MALRD1: variants seen among roughly 807,000 people sequenced by gnomAD.
MALRD1 encodes MAM and LDL receptor class A domain containing 1, also known as MAM and LDL-receptor class A domain-containing protein 1.
In MALRD1, 247 loss-of-function variants were observed where a neutral mutation model predicts 242.1. That is an observed-to-expected ratio of 1.02 (90% CI 0.92 to 1.13). The LOEUF (loss-of-function observed/expected upper bound fraction) is 1.13. MALRD1 is among the 50% of genes most tolerant of loss of function. MALRD1 has a pLI of 0.00. For missense variants in MALRD1, 2,989 were observed against 2,533.1 expected (o/e 1.18, Z -3.86); for synonymous variants, 995 against 866.6 (o/e 1.15, Z -2.60).
At chr10:19,248,253 G>A (rs1252383733) in intron 18 of MALRD1, among the ~76,000 whole-genome samples, 2 of 151,890 alleles carry the variant, frequency 1.3e-5, no homozygotes, top group East Asian at 3.9e-4. Flanking sequence ...TTCAAAAGCA[G>A]GTATTATTTT....
intron 32 of MALRD1, among the ~76,000 whole-genome samples, chr10:19,544,099 C>A (rs1835101003): frequency 6.6e-6 from 1 of 151,470 alleles, no homozygotes; most frequent in Non-Finnish European, 1.5e-5. Context: ...GTTACAGTTT[C>A]ATTGTCATAT....
intron 36 of MALRD1, among the ~76,000 whole-genome samples, chr10:19,682,581 C>T (rs183609902): frequency 5.3e-5 from 8 of 152,188 alleles, no homozygotes; most frequent in Admixed American, 3.3e-4. Flanking sequence ...TGAAAGATGC[C>T]AGAGCTAATT....
Position 19,642,816 on chromosome 10 carries a change from G to A in MALRD1, c.6137+26893G>A, listed in dbSNP as rs188318061. ...TATTGCATCTATGTATTACTAATAG[G>A]GGGTATAAATTTGTTAGGGAAGAGG... On this transcript the variant is annotated intron_variant, in intron 36 of 39. Coordinates refer to ENST00000454679, the MANE Select transcript of MALRD1 (RefSeq NM_001142308.3). Among the ~76,000 whole-genome samples, 17 of 152,162 alleles carry A rather than the reference G, an allele frequency of 1.1e-4. No homozygotes were observed. In the East Asian group the frequency reaches 2.9e-3, roughly 26 times the overall value.
Position 19,323,933 on chromosome 10 carries a change from T to A in MALRD1, c.3420-16T>A, listed in dbSNP as rs1325260949. ...GCCTCTTATTCCTTTTATAATATGA[T>A]AAATTCCTTTTCCAGAAATACCACT... is the stretch of plus-strand genomic sequence containing the variant. On this transcript the variant is annotated splice_polypyrimidine_tract_variant and intron_variant, in intron 21 of 39. Coordinates refer to ENST00000454679, the MANE Select transcript of MALRD1 (RefSeq NM_001142308.3). 25 of 1,550,128 alleles carry A rather than the reference T, an allele frequency of 1.6e-5. No individual in the cohort carries two copies. Among genetic ancestry groups the A allele is most frequent in the Non-Finnish European group, 2.2e-5 (25 of 1,146,468 alleles).
chr10:19,175,145 T>C (rs1353237540), intron 13 of MALRD1, 63 bp from the exon 14 acceptor site: 2 of 1,152,570 alleles, frequency 1.7e-6, no homozygotes, highest in African/African-American at 1.6e-5. Context: ...CACAAAGAAA[T>C]ATGATTGTAA....
At chr10:19,420,263 G>A (rs1284448143) in intron 28 of MALRD1, among the ~76,000 whole-genome samples, 1 of 152,088 alleles carries the variant, frequency 6.6e-6, no homozygotes, top group Admixed American at 6.6e-5. Flanking sequence ...TTATGACAGA[G>A]CAGGTAATCG....
intron 19 of MALRD1, among the ~76,000 whole-genome samples, chr10:19,259,167 C>A (rs1222463952): frequency 1.3e-5 from 2 of 152,128 alleles, no homozygotes; most frequent in Non-Finnish European, 1.5e-5. Context: ...GACTTTCTAT[C>A]TCATTCAGAG....
chr10:19,103,688 G>A (rs1012721174), intron 4 of MALRD1, among the ~76,000 whole-genome samples: 3 of 152,178 alleles, frequency 2.0e-5, no homozygotes, highest in African/African-American at 7.2e-5. Flanking sequence ...GAACACATAG[G>A]AACTGAAAAT....
Position 19,094,156 on chromosome 10 carries a change from C to T in MALRD1, c.597+5971C>T, listed in dbSNP as rs902486180. Among the ~76,000 whole-genome samples, 848 of 107,824 alleles carry T rather than the reference C, an allele frequency of 7.9e-3. 71 individuals are homozygous for T. The highest frequency in any genetic ancestry group is 0.031 in the African/African-American group (816 of 26,090). 70.7% of individuals were successfully genotyped at this position (107,824 alleles called of 152,430 possible). ...TTCCCGGCTGCTTTGTTTACCTAAG[C>T]AAGCCTGGGCAATGGCGGGCGCCCC... is the stretch of plus-strand genomic sequence containing the variant. On this transcript the variant is annotated intron_variant, in intron 4 of 39. Coordinates refer to ENST00000454679, the MANE Select transcript of MALRD1 (RefSeq NM_001142308.3).
chr10:19,185,753 A>G (rs565653545), intron 14 of MALRD1, among the ~76,000 whole-genome samples: 1 of 151,994 alleles, frequency 6.6e-6, no homozygotes, highest in South Asian at 2.1e-4. Context: ...TTATTACATA[A>G]ATGCATTAAG....
intron 31 of MALRD1, among the ~76,000 whole-genome samples, chr10:19,501,218 A>G (rs1304800692): frequency 6.6e-6 from 1 of 152,198 alleles, no homozygotes; most frequent in African/African-American, 2.4e-5. Flanking sequence ...AGGTGTCTCA[A>G]CCTGGTTGCT....
intron 39 of MALRD1, 35 bp downstream of exon 39, chr10:19,730,816 A>G: frequency 2.0e-6 from 3 of 1,501,088 alleles, no homozygotes; most frequent in Non-Finnish European, 2.7e-6. Flanking sequence ...CTTTTCACAC[A>G]TATGCACACA....
At chr10:19,237,179 A>C (rs373806371) in intron 18 of MALRD1, among the ~76,000 whole-genome samples, 1 of 151,806 alleles carries the variant, frequency 6.6e-6, no homozygotes, top group East Asian at 1.9e-4. Context: ...TGTAATATAC[A>C]ATACTTTACT....
At chr10:19,146,395 T>C in intron 11 of MALRD1, 51 bp downstream of exon 11, 2 of 1,194,400 alleles carry the variant, frequency 1.7e-6, no homozygotes. Flanking sequence ...TTGCATGTTG[T>C]GGAATGATGA....
intron 29 of MALRD1, among the ~76,000 whole-genome samples, chr10:19,473,612 A>G (rs1018887666): frequency 6.6e-6 from 1 of 152,050 alleles, no homozygotes; most frequent in African/African-American, 2.4e-5. Context: ...ATTTAGCATA[A>G]TGTCCTCAAA....
intron 33 of MALRD1, 73 bp from the exon 34 acceptor site, chr10:19,595,121 C>T (rs991126557): frequency 1.5e-6 from 2 of 1,365,904 alleles, no homozygotes; most frequent in Non-Finnish European, 2.0e-6. Flanking sequence ...AGAAATGCAA[C>T]CTGTAATGTC....
intron 23 of MALRD1, among the ~76,000 whole-genome samples, chr10:19,327,980 A>G (rs1181498395): frequency 2.6e-5 from 4 of 152,162 alleles, no homozygotes; most frequent in Admixed American, 1.3e-4. Flanking sequence ...TTGCAAATAT[A>G]TTCTCAGAGC....
At chr10:19,127,947 G>T (rs982348208) in intron 7 of MALRD1, among the ~76,000 whole-genome samples, 3 of 151,990 alleles carry the variant, frequency 2.0e-5, no homozygotes, top group Admixed American at 6.6e-5. Flanking sequence ...GTATATGTAG[G>T]TTTCTTTTAT....
intron 21 of MALRD1, among the ~76,000 whole-genome samples, chr10:19,295,150 A>G (rs1275739281): frequency 1.3e-5 from 2 of 152,106 alleles, no homozygotes; most frequent in Admixed American, 1.3e-4. Flanking sequence ...ATGTCACATC[A>G]TGTACTGAAA....
Sources: gnomAD v4.1 joint callset for allele counts (sites outside exome capture counted in the v4.1 genomes callset) on GRCh38, gnomAD v4.1.1 for gene constraint, MANE v1.5 for transcripts, NCBI Gene and HGNC (gene_info 2026-07-23, HGNC 2026-07-21) for gene names.